Variants in RBMS3 observed in about 807,000 individuals in gnomAD.
RBMS3 encodes the protein RNA binding motif single stranded interacting protein 3, also known as RNA-binding motif, single-stranded-interacting protein 3.
RBMS3 carries 27 observed loss-of-function variants against 66.8 expected under a neutral mutation model. That is an observed-to-expected ratio of 0.40 (90% CI 0.30 to 0.56). The LOEUF (loss-of-function observed/expected upper bound fraction) is 0.56, where lower values mean the gene tolerates loss of function less well. RBMS3 is among the 20% of genes least tolerant of loss of function. The probability of loss-of-function intolerance (pLI) is 0.40; values close to 1 mark genes in which losing one functional copy is unlikely to be tolerated. For synonymous variants in RBMS3, 188 were observed against 183.0 expected (o/e 1.03, Z -0.22); for missense variants, 513 against 549.5 (o/e 0.93, Z 0.66).
At chr3:29,995,889 A>G (rs1045459017) in intron 14 of RBMS3, among the ~76,000 whole-genome samples, 1 of 152,062 alleles carries the variant, frequency 6.6e-6, no homozygotes, top group Non-Finnish European at 1.5e-5. Flanking sequence ...CTAACATCAT[A>G]ATGACAGGAT....
intron 6 of RBMS3, among the ~76,000 whole-genome samples, chr3:29,774,983 A>G (rs2056371700): frequency 1.3e-5 from 2 of 151,830 alleles, no homozygotes; most frequent in Non-Finnish European, 2.9e-5. Context: ...GTTTTGGGGG[A>G]TCTTCAATAA....
chr3:29,388,146 T>C lies in RBMS3; in HGVS notation c.76-46597T>C, dbSNP rs574904869. Among the ~76,000 whole-genome samples the C allele has an allele frequency of 8.5e-5, 13 of 152,104 alleles. No homozygotes were observed. The South Asian group carries it at 2.7e-3, about 32-fold the overall frequency. ...ATGTATATATGTGTATATTAAAAAA[T>C]ACATGTGTATCACCACTCCCTTTAC... On this transcript the variant is annotated intron_variant, in intron 1 of 14. Coordinates refer to ENST00000383767, the MANE Select transcript of RBMS3 (RefSeq NM_001003793.3).
intron 11 of RBMS3, among the ~76,000 whole-genome samples, chr3:29,938,753 T>A (rs2149693618): frequency 6.6e-6 from 1 of 152,070 alleles, no homozygotes; most frequent in South Asian, 2.1e-4. Flanking sequence ...AATCCTGGCA[T>A]CATGGAAAGA....
chr3:29,608,844 C>A (rs904500855), intron 4 of RBMS3, among the ~76,000 whole-genome samples: 3 of 151,946 alleles, frequency 2.0e-5, no homozygotes, highest in African/African-American at 4.8e-5. Context: ...TGTGTAAATA[C>A]GTCTCTCTTC....
At chr3:29,997,515 C>T (rs1197030894) in intron 14 of RBMS3, among the ~76,000 whole-genome samples, 2 of 149,638 alleles carry the variant, frequency 1.3e-5, no homozygotes, top group Non-Finnish European at 2.9e-5. Flanking sequence ...TGCAAAAATC[C>T]TCAATAAAAT....
intron 11 of RBMS3, among the ~76,000 whole-genome samples, chr3:29,942,808 C>CTT (rs558929331): frequency 9.2e-5 from 12 of 130,928 alleles, no homozygotes; most frequent in African/African-American, 1.9e-4. Flanking sequence ...CAATAATTAA[C>CTT]TTTTTTTTTT....
intron 4 of RBMS3, among the ~76,000 whole-genome samples, chr3:29,645,193 T>G (rs2049870448): frequency 1.3e-5 from 2 of 152,246 alleles, no homozygotes; most frequent in Admixed American, 6.5e-5. Context: ...AGAGCTTGTT[T>G]GAGCAATGGA....
At chr3:29,363,640 A>C (rs558923762) in intron 1 of RBMS3, among the ~76,000 whole-genome samples, 5 of 152,180 alleles carry the variant, frequency 3.3e-5, no homozygotes, top group African/African-American at 1.2e-4. Flanking sequence ...AACATAAAAA[A>C]TTAGCCGAGT....
At chr3:29,591,599 T>C (rs946869860) in intron 4 of RBMS3, among the ~76,000 whole-genome samples, 7 of 152,200 alleles carry the variant, frequency 4.6e-5, no homozygotes, top group Admixed American at 1.3e-4. Flanking sequence ...TGTGGCCTCA[T>C]TGAGGCCTCG....
intron 12 of RBMS3, among the ~76,000 whole-genome samples, chr3:29,962,135 T>TG (rs1280483045): frequency 6.7e-6 from 1 of 149,438 alleles, no homozygotes; most frequent in East Asian, 1.9e-4. Context: ...TCCTTTTGCA[T>TG]GACTTTTTTT....
intron 4 of RBMS3, among the ~76,000 whole-genome samples, chr3:29,635,241 C>G (rs1330395167): frequency 6.6e-6 from 1 of 151,864 alleles, no homozygotes; most frequent in Non-Finnish European, 1.5e-5. Flanking sequence ...TACTTGACAT[C>G]TGCACTTAGA....
intron 4 of RBMS3, among the ~76,000 whole-genome samples, chr3:29,684,779 TACACACACACACACACAC>T (rs10570309): frequency 6.9e-6 from 1 of 145,658 alleles, no homozygotes; most frequent in Non-Finnish European, 1.5e-5. Flanking sequence ...GTTTGTTATG[TACACACACACACACACAC>T]ACACACACAC....
At chr3:29,342,844 A>G (rs969032992) in intron 1 of RBMS3, among the ~76,000 whole-genome samples, 5 of 152,174 alleles carry the variant, frequency 3.3e-5, no homozygotes, top group Non-Finnish European at 5.9e-5. Flanking sequence ...CTATAAAATT[A>G]TATGATTCTA....
rs1037173579 is a variant in RBMS3, at chr3:29,780,199, G to A, written c.637+17210G>A. The stretch of plus-strand genomic sequence containing the variant: ...AACTAGTTTTTGCTGAAAATAAACA[G>A]GATGAGGGAACCAGATATGCCCCTG... On this transcript the variant is annotated intron_variant, in intron 6 of 14. Coordinates refer to ENST00000383767, the MANE Select transcript of RBMS3 (RefSeq NM_001003793.3). Among the ~76,000 whole-genome samples the A allele has an allele frequency of 2.0e-5, 3 of 151,880 alleles. No homozygotes were observed. In the East Asian group the frequency reaches 5.8e-4, roughly 29 times the overall value.
intron 1 of RBMS3, among the ~76,000 whole-genome samples, chr3:29,369,692 A>G (rs2038094399): frequency 1.2e-5 from 1 of 80,614 alleles, no homozygotes; most frequent in Non-Finnish European, 3.0e-5. Context: ...CAGAGTCTAG[A>G]GCTAAGGGAC....
At chr3:29,676,140 C>G (rs1426412498) in intron 4 of RBMS3, among the ~76,000 whole-genome samples, 1 of 152,110 alleles carries the variant, frequency 6.6e-6, no homozygotes, top group Admixed American at 6.6e-5. Context: ...ATGGATGAAG[C>G]TGGAAACCAT....
intron 1 of RBMS3, among the ~76,000 whole-genome samples, chr3:29,341,991 T>C (rs954941440): frequency 6.6e-6 from 1 of 152,158 alleles, no homozygotes; most frequent in African/African-American, 2.4e-5. Context: ...TCTTGCTTGA[T>C]CTTCATAAAA....
intron 1 of RBMS3, among the ~76,000 whole-genome samples, chr3:29,347,549 A>T (rs780683020): frequency 4.6e-5 from 7 of 152,182 alleles, no homozygotes; most frequent in Non-Finnish European, 1.0e-4. Context: ...GATGGGGGGA[A>T]AATGGTCTAT....
chr3:29,988,319 T>C, intron 13 of RBMS3, 96 bp downstream of exon 13: 4 of 963,550 alleles, frequency 4.2e-6, no homozygotes, highest in South Asian at 1.4e-5. Flanking sequence ...TCACTTGCAA[T>C]TTTTGTGCTA....
Sources: gnomAD v4.1 joint callset for allele counts (sites outside exome capture counted in the v4.1 genomes callset) on GRCh38, gnomAD v4.1.1 for gene constraint, MANE v1.5 for transcripts, NCBI Gene and HGNC (gene_info 2026-07-23, HGNC 2026-07-21) for gene names.